PLCH1: variants seen among roughly 807,000 people sequenced by gnomAD.
PLCH1 encodes phospholipase C eta 1.
A neutral mutation model predicts 126.7 loss-of-function variants in PLCH1; 60 were observed. The observed-to-expected ratio is 0.47, with a 90% CI of 0.38 to 0.59. The LOEUF (loss-of-function observed/expected upper bound fraction) is 0.59, where lower values mean the gene tolerates loss of function less well. Ranked by LOEUF, PLCH1 falls within the 20% of genes least tolerant of loss-of-function variation. The pLI, the probability that PLCH1 is intolerant of heterozygous loss-of-function variation, is 0.00. For missense variants in PLCH1, 1,723 were observed against 2,040.0 expected (o/e 0.84, Z 2.99); for synonymous variants, 719 against 734.9 (o/e 0.98, Z 0.35).
intron 2 of PLCH1, chr3:155,676,451 C>G (rs1225569688): frequency 2.5e-5 from 24 of 968,678 alleles, no homozygotes; most frequent in African/African-American, 3.5e-5. Flanking sequence ...AGGTCTTTAT[C>G]CATCAAAGAA....
At chr3:155,652,517 G>A (rs1028094352) in intron 2 of PLCH1, among the ~76,000 whole-genome samples, 13 of 152,072 alleles carry the variant, frequency 8.5e-5, no homozygotes, top group Middle Eastern at 3.2e-3. Context: ...GAACACATTC[G>A]CATTTTATGA....
At chr3:155,629,751 A>G (rs1329260059) in intron 2 of PLCH1, among the ~76,000 whole-genome samples, 1 of 151,942 alleles carries the variant, frequency 6.6e-6, no homozygotes, top group Admixed American at 6.6e-5. Context: ...ATTAATCCCA[A>G]ACTCCTCGCC....
At chr3:155,589,971 T>C (rs1057139850) in intron 4 of PLCH1, among the ~76,000 whole-genome samples, 4 of 152,152 alleles carry the variant, frequency 2.6e-5, no homozygotes, top group African/African-American at 9.7e-5. Context: ...CAAATTTGCA[T>C]AGCACAGGCA....
rs557369057 is a variant in PLCH1 at position 155,737,231 on chromosome 3, C to CAAAAAAAAAAAAAAAA, written c.-41+7593_-41+7608dup. Among the ~76,000 whole-genome samples the CAAAAAAAAAAAAAAAA allele has an allele frequency of 1.7e-4, 10 of 59,520 alleles. 1 individual carries two copies. The highest frequency in any genetic ancestry group is 4.0e-4 in the African/African-American group (7 of 17,446). 39.0% of individuals were successfully genotyped at this position (59,520 alleles called of 152,430 possible). A position where few individuals can be genotyped will look rare whatever the true frequency, so the allele number is the denominator to read the frequency against. On this transcript the variant is annotated intron_variant, in intron 1 of 22. Coordinates refer to ENST00000460012, the MANE Select transcript of PLCH1 (RefSeq NM_014996.4). ...TGGGTGACAGAGCAAGCCTCCGTCT[C>CAAAAAAAAAAAAAAAA]AAAAAAAAAAAAAAAAAAGAGTATA...
chr3:155,633,810 C>T (rs1738381514), intron 2 of PLCH1, among the ~76,000 whole-genome samples: 1 of 152,140 alleles, frequency 6.6e-6, no homozygotes, highest in African/African-American at 2.4e-5. Context: ...ATCCCAGCTA[C>T]TCAGGAGGCT....
intron 2 of PLCH1, among the ~76,000 whole-genome samples, chr3:155,700,493 C>T (rs922890404): frequency 1.4e-4 from 21 of 152,010 alleles, no homozygotes; most frequent in African/African-American, 4.8e-4. Context: ...ATGGTTATTC[C>T]GAAATATTCA....
chr3:155,498,435 A>C (rs1390636502), intron 14 of PLCH1, among the ~76,000 whole-genome samples: 1 of 152,188 alleles, frequency 6.6e-6, no homozygotes, highest in Non-Finnish European at 1.5e-5. Context: ...GGTTTTATTC[A>C]CTGCTCTGCC....
intron 1 of PLCH1, among the ~76,000 whole-genome samples, chr3:155,707,192 T>C (rs1292674488): frequency 6.6e-6 from 1 of 152,144 alleles, no homozygotes. Context: ...GCCTCCAGAA[T>C]TGTGAGAAAT....
chr3:155,614,402 C>A (rs531544270), intron 2 of PLCH1, among the ~76,000 whole-genome samples: 31 of 151,942 alleles, frequency 2.0e-4, no homozygotes, highest in Non-Finnish European at 3.5e-4. Flanking sequence ...AACTATACTA[C>A]AAGGAGATAG....
chr3:155,452,224 A>G (rs545017333), intron 21 of PLCH1, among the ~76,000 whole-genome samples: 29 of 152,192 alleles, frequency 1.9e-4, no homozygotes, highest in Non-Finnish European at 3.5e-4. Context: ...AAAATGAGGA[A>G]GATGCAAAAG....
At chr3:155,473,504 G>A (rs1160857982) in intron 21 of PLCH1, among the ~76,000 whole-genome samples, 5 of 149,846 alleles carry the variant, frequency 3.3e-5, no homozygotes, top group African/African-American at 4.9e-5. Context: ...TACTGCCCAA[G>A]GTAATTTACA....
chr3:155,698,441 C>G (rs1745996541), intron 2 of PLCH1, among the ~76,000 whole-genome samples: 1 of 152,120 alleles, frequency 6.6e-6, no homozygotes. Flanking sequence ...ACATAAATAT[C>G]CTCTTTTGTA....
At chr3:155,551,423 C>T (rs146480852) in intron 9 of PLCH1, among the ~76,000 whole-genome samples, 12 of 124,988 alleles carry the variant, frequency 9.6e-5, no homozygotes, top group African/African-American at 3.3e-4. Context: ...CCAGCATGGG[C>T]GACAGAGCAA....
intron 4 of PLCH1, among the ~76,000 whole-genome samples, chr3:155,587,109 C>G (rs1731475926): frequency 6.6e-6 from 1 of 152,154 alleles, no homozygotes; most frequent in Non-Finnish European, 1.5e-5. Flanking sequence ...CCTATTAGTT[C>G]TCATTCACAA....
intron 2 of PLCH1, among the ~76,000 whole-genome samples, chr3:155,695,598 T>C (rs1032007304): frequency 2.6e-5 from 4 of 152,270 alleles, no homozygotes; most frequent in African/African-American, 9.6e-5. Context: ...GTGCTGCAGA[T>C]AGAAGTCAGA....
At chr3:155,615,704 G>A (rs1425775072) in intron 2 of PLCH1, among the ~76,000 whole-genome samples, 1 of 152,056 alleles carries the variant, frequency 6.6e-6, no homozygotes, top group African/African-American at 2.4e-5. Context: ...CTTACAAGTG[G>A]GAGCTAAACT....
At chr3:155,704,724 T>C (rs1746524500) in intron 1 of PLCH1, among the ~76,000 whole-genome samples, 1 of 152,296 alleles carries the variant, frequency 6.6e-6, no homozygotes, top group South Asian at 2.1e-4. Context: ...CATGTGGCCA[T>C]GAATGAGCCA....
chr3:155,466,020 C>T (rs1712917063), intron 21 of PLCH1, among the ~76,000 whole-genome samples: 1 of 152,188 alleles, frequency 6.6e-6, no homozygotes, highest in African/African-American at 2.4e-5. Flanking sequence ...TTCCTGACTC[C>T]TGGAAGGCAC....
intron 1 of PLCH1, among the ~76,000 whole-genome samples, chr3:155,736,380 GAA>G (rs936638851): frequency 6.6e-6 from 1 of 152,154 alleles, no homozygotes; most frequent in Non-Finnish European, 1.5e-5. Context: ...CATTTAAGAA[GAA>G]AAGATTCCTG....
Sources: allele counts gnomAD v4.1 joint callset (sites outside exome capture counted in the v4.1 genomes callset), GRCh38; gene constraint gnomAD v4.1.1; transcripts MANE v1.5; gene names NCBI Gene and HGNC (gene_info 2026-07-23, HGNC 2026-07-21).